Variants in CTNNA3 observed in about 807,000 individuals in gnomAD.
CTNNA3 encodes the protein catenin alpha 3, also known as catenin alpha-3.
In CTNNA3, 76 loss-of-function variants were observed where a neutral mutation model predicts 95.7. That is an observed-to-expected ratio of 0.79 (90% confidence interval 0.66 to 0.96). CTNNA3 has a LOEUF of 0.96. Among genes scored for constraint, CTNNA3 ranks in the 40% least tolerant of loss-of-function variants. The probability of loss-of-function intolerance (pLI) is 0.00; values close to 1 mark genes in which losing one functional copy is unlikely to be tolerated. For synonymous variants in CTNNA3, 431 were observed against 374.4 expected (o/e 1.15, Z -1.74); for missense variants, 1,191 against 1,089.8 (o/e 1.09, Z -1.31).
chr10:65,923,804 A>G (rs1331638041), intron 17 of CTNNA3, among the ~76,000 whole-genome samples: 1 of 152,114 alleles, frequency 6.6e-6, no homozygotes, highest in African/African-American at 2.4e-5. Context: ...TAACTAAAAG[A>G]AAAGTAAATG....
At chr10:66,561,623 G>T (rs1842555716) in intron 10 of CTNNA3, among the ~76,000 whole-genome samples, 1 of 152,080 alleles carries the variant, frequency 6.6e-6, no homozygotes, top group African/African-American at 2.4e-5. Flanking sequence ...AGTATCACAA[G>T]AGAGGAAGTT....
At chr10:66,374,258 A>G (rs2092776246) in intron 12 of CTNNA3, among the ~76,000 whole-genome samples, 1 of 152,220 alleles carries the variant, frequency 6.6e-6, no homozygotes, top group Non-Finnish European at 1.5e-5. Context: ...AAAGTGAAAT[A>G]AACATTAACT....
At chr10:66,441,752 A>G (rs1270457472) in intron 11 of CTNNA3, among the ~76,000 whole-genome samples, 1 of 152,252 alleles carries the variant, frequency 6.6e-6, no homozygotes, top group Admixed American at 6.5e-5. Flanking sequence ...ATATACATGT[A>G]GCTGGAAATA....
chr10:66,156,965 G>A (rs549308276), intron 13 of CTNNA3, among the ~76,000 whole-genome samples: 1 of 152,062 alleles, frequency 6.6e-6, no homozygotes, highest in South Asian at 2.1e-4. Flanking sequence ...TGAGGAGGAC[G>A]TAACCTATTG....
At chr10:67,136,559 GGA>G (rs891755717) in intron 7 of CTNNA3, among the ~76,000 whole-genome samples, 3 of 151,750 alleles carry the variant, frequency 2.0e-5, no homozygotes, top group East Asian at 3.9e-4. Flanking sequence ...AAAGAGAGAA[GGA>G]GAGAGAGAGA....
At chr10:66,040,069 T>A (rs978838041) in intron 15 of CTNNA3, among the ~76,000 whole-genome samples, 1 of 151,912 alleles carries the variant, frequency 6.6e-6, no homozygotes, top group Admixed American at 6.6e-5. Context: ...GCAAAGGACA[T>A]GAACAGACAC....
At chr10:67,332,309 T>C (rs1841824844) in intron 5 of CTNNA3, among the ~76,000 whole-genome samples, 1 of 152,112 alleles carries the variant, frequency 6.6e-6, no homozygotes, top group African/African-American at 2.4e-5. Flanking sequence ...TGTTGAAAAA[T>C]GGTAACTGGG....
At chr10:66,613,828 A>G (rs1191520029) in intron 10 of CTNNA3, among the ~76,000 whole-genome samples, 2 of 152,086 alleles carry the variant, frequency 1.3e-5, no homozygotes, top group African/African-American at 2.4e-5. Flanking sequence ...CATGATTCTT[A>G]AAGAATATGG....
chr10:66,659,986 G>GT (rs1846205461), intron 9 of CTNNA3, among the ~76,000 whole-genome samples: 1 of 151,876 alleles, frequency 6.6e-6, no homozygotes, highest in African/African-American at 2.4e-5. Context: ...AATATTCCTG[G>GT]GTTTTTTTTC....
At chr10:66,494,243 C>T (rs1456296284) in intron 11 of CTNNA3, among the ~76,000 whole-genome samples, 1 of 152,120 alleles carries the variant, frequency 6.6e-6, no homozygotes, top group Non-Finnish European at 1.5e-5. Context: ...AGTCCCTTCA[C>T]GGAGACCTGA....
intron 15 of CTNNA3, among the ~76,000 whole-genome samples, chr10:66,010,754 T>C (rs1158824486): frequency 2.0e-5 from 3 of 151,380 alleles, no homozygotes; most frequent in East Asian, 2.0e-4. Flanking sequence ...GTAGGGAAAG[T>C]GTGTCAGGCC....
Position 66,693,640 on chromosome 10 carries a change from C to A in CTNNA3, c.1282-71856G>T, listed in dbSNP as rs1427469933. 3.9e-5 allele frequency among the ~76,000 whole-genome samples: 6 copies of A among 152,016 alleles called. No individual in the cohort carries two copies. In the East Asian group the frequency reaches 7.8e-4, roughly 20 times the overall value. ...TAGACATCTACAGAACTCTTCACCC[C>A]AAATCAACAGAATATACATTCTTTT... On this transcript the variant is annotated intron_variant, in intron 9 of 17. Transcript: ENST00000433211.
intron 17 of CTNNA3, among the ~76,000 whole-genome samples, chr10:65,965,331 G>A (rs902930523): frequency 1.4e-5 from 2 of 146,548 alleles, no homozygotes; most frequent in African/African-American, 5.0e-5. Flanking sequence ...GCATGTTATT[G>A]TGAAGATTAA....
chr10:67,664,616 C>T (rs191091510), intron 1 of CTNNA3, among the ~76,000 whole-genome samples: 15 of 152,158 alleles, frequency 9.9e-5, no homozygotes, highest in Non-Finnish European at 1.6e-4. Context: ...ATATCCCACA[C>T]TTGTTTTCTT....
At chr10:66,624,097 A>G (rs1844847203) in intron 9 of CTNNA3, among the ~76,000 whole-genome samples, 1 of 152,176 alleles carries the variant, frequency 6.6e-6, no homozygotes, top group Non-Finnish European at 1.5e-5. Context: ...CTTTGTTGGT[A>G]TTCATAAGAT....
chr10:67,355,454 A>G (rs999292052), intron 5 of CTNNA3, among the ~76,000 whole-genome samples: 1 of 152,028 alleles, frequency 6.6e-6, no homozygotes, highest in Non-Finnish European at 1.5e-5. Flanking sequence ...AAAGAAAAAA[A>G]TTCTTGCAAA....
chr10:65,955,311 T>A (rs185309714), intron 17 of CTNNA3, among the ~76,000 whole-genome samples: 194 of 152,352 alleles, frequency 1.3e-3, no homozygotes, highest in African/African-American at 4.5e-3. Flanking sequence ...GTTTTCTAAC[T>A]ATACAATCAT....
intron 7 of CTNNA3, among the ~76,000 whole-genome samples, chr10:67,160,182 G>A (rs1861474438): frequency 1.3e-5 from 2 of 152,074 alleles, no homozygotes; most frequent in South Asian, 4.1e-4. Context: ...CCTTACATCT[G>A]TTAGGAAAGC....
intron 13 of CTNNA3, among the ~76,000 whole-genome samples, chr10:66,188,597 GTGTGT>G: frequency 1.0e-5 from 1 of 95,282 alleles, no homozygotes; most frequent in Non-Finnish European, 2.0e-5. Flanking sequence ...GGGGGTCTCT[GTGTGT>G]GTGTGTGTGT....
Sources: gnomAD v4.1 joint callset for allele counts (sites outside exome capture counted in the v4.1 genomes callset) on GRCh38, gnomAD v4.1.1 for gene constraint, MANE v1.5 for transcripts, NCBI Gene and HGNC (gene_info 2026-07-23, HGNC 2026-07-21) for gene names.